RYR3: variants seen among roughly 807,000 people sequenced by gnomAD.
RYR3 encodes the protein brain ryanodine receptor-calcium release channel.
A neutral mutation model predicts 584.3 loss-of-function variants in RYR3; 207 were observed. The observed-to-expected ratio is 0.35, with a 90% CI of 0.32 to 0.40. The LOEUF (loss-of-function observed/expected upper bound fraction) is 0.40. Among genes scored for constraint, RYR3 ranks in the 10% least tolerant of loss-of-function variants. RYR3 has a pLI of 1.00. For missense variants in RYR3, 5,616 were observed against 6,089.2 expected, an observed-to-expected ratio of 0.92 and a Z score of 2.59; for synonymous variants, 2,416 against 2,248.5, an observed-to-expected ratio of 1.07 and a Z score of -2.11.
At chr15:33,327,491 A>G (rs1969869695) in intron 1 of RYR3, among the ~76,000 whole-genome samples, 1 of 152,228 alleles carries the variant, frequency 6.6e-6, no homozygotes, top group South Asian at 2.1e-4. Context: ...GTGAAGAAAA[A>G]TTGGAGAATT....
intron 2 of RYR3, among the ~76,000 whole-genome samples, chr15:33,497,747 G>A (rs991519464): frequency 1.3e-5 from 2 of 151,998 alleles, no homozygotes; most frequent in Admixed American, 1.3e-4. Context: ...TGCTCTTGTG[G>A]CTATTTTAAA....
In RYR3 at chr15:33,660,433, G is replaced by A. The variant is rs761833310; in HGVS notation, c.4622+10G>A. The stretch of plus-strand genomic sequence containing the variant: ...TCCCCGAGGAGAACAGGTACCAGAG[G>A]GGCCCGCGAAGGAAGGGGCAGGCCT... On this transcript the variant is annotated intron_variant, in intron 34 of 103. Coordinates refer to ENST00000634891, the MANE Select transcript of RYR3 (RefSeq NM_001036.6). 8 of 1,535,050 alleles carry A rather than the reference G, an allele frequency of 5.2e-6. No individual in the cohort carries two copies. Among genetic ancestry groups the A allele is most frequent in the Non-Finnish European group, 7.0e-6 (8 of 1,136,782 alleles).
chr15:33,495,573 A>G (rs1235588959), intron 2 of RYR3, among the ~76,000 whole-genome samples: 1 of 152,196 alleles, frequency 6.6e-6, no homozygotes, highest in Non-Finnish European at 1.5e-5. Flanking sequence ...TAAAATGTAT[A>G]TATGGATTCT....
chr15:33,441,363 T>C (rs1006766499), intron 1 of RYR3, among the ~76,000 whole-genome samples: 6 of 152,230 alleles, frequency 3.9e-5, no homozygotes, highest in African/African-American at 9.6e-5. Flanking sequence ...TTTTAGTCAA[T>C]GCCTGTATAG....
At chr15:33,821,691 C>T (rs1472600312) in intron 80 of RYR3, 89 bp downstream of exon 80, 1 of 1,240,230 alleles carries the variant, frequency 8.1e-7, no homozygotes, top group African/African-American at 1.5e-5. Flanking sequence ...TTGACTGCTA[C>T]AGAGGGGAGC....
At chr15:33,848,625 A>G (rs895806434) in intron 94 of RYR3, among the ~76,000 whole-genome samples, 2 of 152,204 alleles carry the variant, frequency 1.3e-5, no homozygotes, top group African/African-American at 4.8e-5. Context: ...GACAGAAGAT[A>G]TTATCAGAAA....
chr15:33,793,921 A>ACACTCTCT (rs1555459911), intron 67 of RYR3, among the ~76,000 whole-genome samples: 4,593 of 44,044 alleles, frequency 0.1, 98 homozygotes, highest in South Asian at 0.31. Flanking sequence ...ACACACACAC[A>ACACTCTCT]CTCTATATAT....
chr15:33,566,592 G>C, intron 11 of RYR3, 86 bp from the exon 12 acceptor site: 2 of 1,405,782 alleles, frequency 1.4e-6, no homozygotes, highest in Non-Finnish European at 2.0e-6. Context: ...GAATAAGAGG[G>C]ATGAGGGCAA....
At chr15:33,491,272 A>T (rs1408036007) in intron 2 of RYR3, among the ~76,000 whole-genome samples, 1 of 152,212 alleles carries the variant, frequency 6.6e-6, no homozygotes, top group Admixed American at 6.5e-5. Flanking sequence ...ACTTACCCAC[A>T]TTCTGTCCTA....
At chr15:33,714,361 ATCT>A (rs1166757773) in intron 43 of RYR3, among the ~76,000 whole-genome samples, 2 of 152,190 alleles carry the variant, frequency 1.3e-5, no homozygotes, top group Non-Finnish European at 2.9e-5. Context: ...TTTGTAGTAA[ATCT>A]TCTTAAATAT....
chr15:33,325,773 C>T (rs1969612738), intron 1 of RYR3, among the ~76,000 whole-genome samples: 2 of 97,014 alleles, frequency 2.1e-5, no homozygotes, highest in Admixed American at 1.4e-4. Context: ...TTCCTTCCTT[C>T]CTTCTTTCTT....
intron 96 of RYR3, 43 bp from the exon 97 acceptor site, chr15:33,854,346 C>G (rs767713798): frequency 6.6e-7 from 1 of 1,511,152 alleles, no homozygotes; most frequent in South Asian, 1.2e-5. Flanking sequence ...ACTTAACTAC[C>G]TCTTGACATT....
intron 43 of RYR3, among the ~76,000 whole-genome samples, chr15:33,718,929 A>C (rs1052016119): frequency 1.3e-5 from 2 of 152,178 alleles, no homozygotes; most frequent in African/African-American, 4.8e-5. Flanking sequence ...CCTTGGGCAA[A>C]ACTAGTTTAC....
At chr15:33,362,416 G>C (rs2676035) in intron 1 of RYR3, among the ~76,000 whole-genome samples, 1 of 149,580 alleles carries the variant, frequency 6.7e-6, no homozygotes. Flanking sequence ...ATCATCATCA[G>C]CAGCAGCAGC....
intron 1 of RYR3, among the ~76,000 whole-genome samples, chr15:33,434,036 C>T (rs142671663): frequency 2.0e-5 from 3 of 152,302 alleles, no homozygotes; most frequent in African/African-American, 4.8e-5. Context: ...CCCTCATTCT[C>T]CAAAATCCTA....
At chr15:33,322,703 G>C (rs1044567615) in intron 1 of RYR3, among the ~76,000 whole-genome samples, 8 of 152,028 alleles carry the variant, frequency 5.3e-5, no homozygotes, top group African/African-American at 1.9e-4. Context: ...ATCTATGTAA[G>C]TTTTGTCTAT....
At chr15:33,722,654 T>G in intron 43 of RYR3, 61 bp from the exon 44 acceptor site, 1 of 1,490,572 alleles carries the variant, frequency 6.7e-7, no homozygotes, top group African/African-American at 1.4e-5. Context: ...CCTCATCAAC[T>G]AGAAATAAAT....
In RYR3 at chr15:33,713,973, T is replaced by C. The variant is rs369308486; in HGVS notation, c.6619+6919T>C. Among the ~76,000 whole-genome samples the C allele has an allele frequency of 1.1e-3, 164 of 151,876 alleles. 6 individuals are homozygous for C. The South Asian group carries it at 0.034, about 31-fold the overall frequency. On this transcript the variant is annotated intron_variant, in intron 43 of 103. Transcript: ENST00000634891. ...GGATTTCAACATGAATTTTGGAGGG[T>C]GGGGGGGACACGAATATTCAGACCA...
At chr15:33,456,125 C>T (rs544430888) in intron 1 of RYR3, among the ~76,000 whole-genome samples, 2 of 152,236 alleles carry the variant, frequency 1.3e-5, no homozygotes, top group South Asian at 2.1e-4. Flanking sequence ...TATCTCATTT[C>T]GATCTCCTCT....
Sources: allele counts gnomAD v4.1 joint callset (sites outside exome capture counted in the v4.1 genomes callset), GRCh38; gene constraint gnomAD v4.1.1; transcripts MANE v1.5; gene names NCBI Gene and HGNC (gene_info 2026-07-23, HGNC 2026-07-21).